Variants in DGKI observed in about 807,000 individuals in gnomAD.
The protein encoded by DGKI is diacylglycerol kinase iota.
A neutral mutation model predicts 147.5 loss-of-function variants in DGKI; 55 were observed. The ratio of observed to expected loss-of-function variants is 0.37; its 90% CI spans 0.30 to 0.47. The LOEUF (loss-of-function observed/expected upper bound fraction) is 0.47, where lower values mean the gene tolerates loss of function less well. Among genes scored for constraint, DGKI ranks in the 20% least tolerant of loss-of-function variants. The pLI is 1.00. For missense variants in DGKI, 1,007 were observed against 1,323.8 expected (o/e 0.76, Z 3.71); for synonymous variants, 469 against 477.1 (o/e 0.98, Z 0.22).
intron 19 of DGKI, among the ~76,000 whole-genome samples, chr7:137,561,123 C>A (rs1290275444): frequency 6.6e-6 from 1 of 152,030 alleles, no homozygotes; most frequent in Non-Finnish European, 1.5e-5. Flanking sequence ...ACATCTGTAA[C>A]CCCCATGTTT....
chr7:137,649,632 C>A (rs1056630422), intron 5 of DGKI, among the ~76,000 whole-genome samples: 2 of 151,928 alleles, frequency 1.3e-5, no homozygotes, highest in African/African-American at 4.8e-5. Flanking sequence ...GGATAAAAGA[C>A]TACAAATTGG....
At chr7:137,440,794 C>T (rs904255067) in intron 28 of DGKI, among the ~76,000 whole-genome samples, 18 of 152,256 alleles carry the variant, frequency 1.2e-4, no homozygotes, top group African/African-American at 3.9e-4. Flanking sequence ...GACCCTGATG[C>T]GCTATTATAT....
chr7:137,443,513 G>A (rs1440657050), intron 28 of DGKI, among the ~76,000 whole-genome samples: 1 of 152,152 alleles, frequency 6.6e-6, no homozygotes, highest in African/African-American at 2.4e-5. Flanking sequence ...CAACTCCAAA[G>A]GTGAGATGGA....
At chr7:137,630,912 A>T (rs1448358810) in intron 6 of DGKI, among the ~76,000 whole-genome samples, 1 of 152,138 alleles carries the variant, frequency 6.6e-6, no homozygotes, top group Admixed American at 6.5e-5. Context: ...ATTAATTTCC[A>T]CCTCTGATTA....
intron 28 of DGKI, among the ~76,000 whole-genome samples, chr7:137,426,374 T>G (rs1023391494): frequency 5.9e-5 from 9 of 152,126 alleles, no homozygotes; most frequent in Non-Finnish European, 1.0e-4. Context: ...CCAGCAGGCC[T>G]GCCCTAAAAG....
intron 6 of DGKI, among the ~76,000 whole-genome samples, chr7:137,629,313 A>G (rs1821049963): frequency 6.6e-6 from 1 of 152,254 alleles, no homozygotes; most frequent in Non-Finnish European, 1.5e-5. Context: ...AGTTTCTAGC[A>G]AAATAAGATG....
chr7:137,737,046 G>A (rs924189494), intron 1 of DGKI, among the ~76,000 whole-genome samples: 1 of 151,778 alleles, frequency 6.6e-6, no homozygotes, highest in Admixed American at 6.6e-5. Flanking sequence ...AAAATTGGAC[G>A]GAAAACTATT....
intron 1 of DGKI, among the ~76,000 whole-genome samples, chr7:137,790,363 C>G (rs1796814812): frequency 2.0e-5 from 3 of 152,236 alleles, no homozygotes; most frequent in Admixed American, 6.5e-5. Flanking sequence ...AAGACTGACT[C>G]TGGATATGAC....
intron 1 of DGKI, among the ~76,000 whole-genome samples, chr7:137,837,418 AG>A (rs1185985122): frequency 6.6e-6 from 1 of 152,228 alleles, no homozygotes; most frequent in Non-Finnish European, 1.5e-5. Flanking sequence ...GCCACTGGGA[AG>A]GACAAGAGGA....
rs139868352 is a variant in DGKI, at chr7:137,423,317, C to T, written c.2762-11110G>A. On this transcript the variant is annotated intron_variant, in intron 28 of 32. Transcript: ENST00000614521. ...TTGGCTTTACCCCTTCCTCCAACATCAGGCAGGCATTCTTCCTGTGATCAG... is the reference window on the plus strand; with the variant it reads ...TTGGCTTTACCCCTTCCTCCAACATTAGGCAGGCATTCTTCCTGTGATCAG... Among the ~76,000 whole-genome samples the T allele has an allele frequency of 1.1e-3, 160 of 152,312 alleles. 6 individuals are homozygous for T. Among genetic ancestry groups the T allele is most frequent in the South Asian group, 7.9e-3 (38 of 4,828 alleles).
At chr7:137,645,607 C>T in intron 5 of DGKI, 70 bp from the exon 6 acceptor site, 1 of 1,379,596 alleles carries the variant, frequency 7.2e-7, no homozygotes, top group South Asian at 1.3e-5. Context: ...TGCTCTGTCA[C>T]CCACACTGGA....
intron 28 of DGKI, among the ~76,000 whole-genome samples, chr7:137,433,377 G>A (rs1585111098): frequency 6.6e-6 from 1 of 152,130 alleles, no homozygotes; most frequent in Non-Finnish European, 1.5e-5. Context: ...ATAATTCAGG[G>A]AAACCATTCA....
intron 1 of DGKI, among the ~76,000 whole-genome samples, chr7:137,831,583 C>T (rs10260637): frequency 0.21 from 32,638 of 152,184 alleles, 8,304 homozygotes; most frequent in African/African-American, 0.62. Context: ...TACCTCCCAT[C>T]GGGCTCATTC....
chr7:137,732,281 G>A (rs2116667557), intron 1 of DGKI, among the ~76,000 whole-genome samples: 1 of 152,182 alleles, frequency 6.6e-6, no homozygotes, highest in Admixed American at 6.5e-5. Flanking sequence ...GTTTCCCCAT[G>A]TTGCAGAATC....
intron 13 of DGKI, among the ~76,000 whole-genome samples, chr7:137,586,798 G>A (rs1313703119): frequency 1.3e-5 from 2 of 152,170 alleles, no homozygotes; most frequent in Admixed American, 6.5e-5. Context: ...CCTTTTGCAC[G>A]CAGACTTGAG....
At chr7:137,843,756 TACACACAC>T (rs71177923) in intron 1 of DGKI, among the ~76,000 whole-genome samples, 105 of 137,896 alleles carry the variant, frequency 7.6e-4, no homozygotes, top group African/African-American at 2.2e-3. Flanking sequence ...GAGACCCCCC[TACACACAC>T]ACACACACAC....
chr7:137,707,843 A>G (rs1794087690), intron 1 of DGKI, among the ~76,000 whole-genome samples: 1 of 152,204 alleles, frequency 6.6e-6, no homozygotes, highest in African/African-American at 2.4e-5. Flanking sequence ...AACCATCCTG[A>G]CCAAGATCTT....
At chr7:137,838,807 A>G (rs980849320) in intron 1 of DGKI, among the ~76,000 whole-genome samples, 1 of 152,208 alleles carries the variant, frequency 6.6e-6, no homozygotes, top group Non-Finnish European at 1.5e-5. Flanking sequence ...GCCTGGTTCA[A>G]ATAACTGATG....
intron 6 of DGKI, among the ~76,000 whole-genome samples, chr7:137,635,044 T>A (rs970549475): frequency 6.6e-6 from 1 of 152,138 alleles, no homozygotes; most frequent in African/African-American, 2.4e-5. Context: ...CATATGAAAG[T>A]AAGTACAAAG....
Sources: allele counts gnomAD v4.1 joint callset (sites outside exome capture counted in the v4.1 genomes callset), GRCh38; gene constraint gnomAD v4.1.1; transcripts MANE v1.5; gene names NCBI Gene and HGNC (gene_info 2026-07-23, HGNC 2026-07-21).